The following PALS2 variants were observed in gnomAD, a reference collection of about 807,000 sequenced individuals.
PALS2 encodes the protein protein PALS2.
Under a neutral mutation model 61.6 loss-of-function variants are expected in PALS2, and 27 were observed. That is an observed-to-expected ratio of 0.44 (90% CI 0.32 to 0.60). The LOEUF (loss-of-function observed/expected upper bound fraction) is 0.60, where lower values mean the gene tolerates loss of function less well. PALS2 is among the 20% of genes least tolerant of loss of function. The pLI, the probability that PALS2 is intolerant of heterozygous loss-of-function variation, is 0.05. For synonymous variants in PALS2, 236 were observed against 218.6 expected (o/e 1.08, Z -0.70); for missense variants, 554 against 639.4 (o/e 0.87, Z 1.44).
rs562444034 is a variant in PALS2, at chr7:24,651,909, A to G, written c.651+1197A>G. 4.2e-4 allele frequency among the ~76,000 whole-genome samples: 64 copies of G among 152,336 alleles called. No individual in the cohort carries two copies. The South Asian group carries it at 0.012, about 30-fold the overall frequency. On this transcript the variant is annotated intron_variant, in intron 5 of 11. Coordinates refer to ENST00000222644, the MANE Select transcript of PALS2 (RefSeq NM_001303037.2). ...AAACTGTTCTTTCAAAGGTAAGGATAGATTATTTAGTCATTAATATTAGCA... is the reference window on the plus strand; with the variant it reads ...AAACTGTTCTTTCAAAGGTAAGGATGGATTATTTAGTCATTAATATTAGCA...
intron 1 of PALS2, among the ~76,000 whole-genome samples, chr7:24,613,602 C>T (rs958301848): frequency 2.6e-5 from 4 of 151,752 alleles, no homozygotes; most frequent in African/African-American, 4.8e-5. Flanking sequence ...TGGGAGCATT[C>T]GAATATCCTC....
At chr7:24,665,794 A>G in intron 7 of PALS2, 107 bp downstream of exon 7, 1 of 1,064,986 alleles carries the variant, frequency 9.4e-7, no homozygotes, top group Non-Finnish European at 1.4e-6. Context: ...GTCTAGAATG[A>G]ATCCCTCCCT....
In PALS2 at chr7:24,595,547, A is replaced by AT. The variant is rs1783485581; in HGVS notation, c.-3+21954_-3+21955insT. Among the ~76,000 whole-genome samples the AT allele has an allele frequency of 5.1e-5, 7 of 136,820 alleles. No individual in the cohort carries two copies. In the South Asian group the frequency reaches 6.6e-4, roughly 13 times the overall value. The allele number at this position is 136,820 out of a possible 152,430, so 89.8% of individuals were successfully genotyped here. On this transcript the variant is annotated intron_variant, in intron 1 of 11. Transcript: ENST00000222644. Reference sequence around the variant, plus strand: ...TATAATATATAATATATAATATATAAATATATATTAACTATATATAAATAT... The same window carrying AT: ...TATAATATATAATATATAATATATAATATATATATTAACTATATATAAATAT...
At chr7:24,671,422 A>G (rs1461715788) in intron 9 of PALS2, among the ~76,000 whole-genome samples, 1 of 152,204 alleles carries the variant, frequency 6.6e-6, no homozygotes, top group Non-Finnish European at 1.5e-5. Flanking sequence ...TATTCTGGGT[A>G]CAGGTTCCTT....
At chr7:24,661,297 A>ATTT (rs1467528249) in intron 5 of PALS2, among the ~76,000 whole-genome samples, 1 of 152,120 alleles carries the variant, frequency 6.6e-6, no homozygotes, top group Non-Finnish European at 1.5e-5. Context: ...GTTTTTGACC[A>ATTT]TAACAGTAAT....
intron 1 of PALS2, among the ~76,000 whole-genome samples, chr7:24,599,911 A>G (rs1783658001): frequency 6.6e-6 from 1 of 152,100 alleles, no homozygotes; most frequent in Admixed American, 6.6e-5. Flanking sequence ...GATCATCAAT[A>G]TCAGTGTCTT....
intron 2 of PALS2, among the ~76,000 whole-genome samples, chr7:24,631,634 A>G (rs1785000085): frequency 6.6e-6 from 1 of 152,212 alleles, no homozygotes; most frequent in Admixed American, 6.5e-5. Flanking sequence ...GCTATGGAGA[A>G]ATCTTTCATG....
chr7:24,677,178 T>C (rs1787658351), intron 9 of PALS2, among the ~76,000 whole-genome samples: 1 of 152,274 alleles, frequency 6.6e-6, no homozygotes. Context: ...TCTCTGTCTG[T>C]TGTTGGTGTA....
chr7:24,610,290 C>G (rs1435877097), intron 1 of PALS2, among the ~76,000 whole-genome samples: 4 of 152,072 alleles, frequency 2.6e-5, no homozygotes, highest in African/African-American at 9.7e-5. Context: ...AATGCAGGTT[C>G]TTTACCACTG....
chr7:24,691,325 C>T lies in PALS2; in HGVS notation c.*3711C>T, dbSNP rs1337179852. 2.0e-5 allele frequency: 3 copies of T among 148,950 alleles called. No individual in the cohort carries two copies. Among genetic ancestry groups the T allele is most frequent in the Non-Finnish European group, 4.5e-5 (3 of 67,366 alleles). The allele number at this position is 148,950 out of a possible 1,614,324, so 9.2% of individuals were successfully genotyped here. A position where few individuals can be genotyped will look rare whatever the true frequency, so the allele number is the denominator to read the frequency against. ...TTAACTAAACATGAAAAAGGCAATC[C>T]TGAAGTTTTATGTACATAGATAGCA... On this transcript the variant is annotated 3_prime_UTR_variant, in exon 12 of 12. Coordinates refer to ENST00000222644, the MANE Select transcript of PALS2 (RefSeq NM_001303037.2).
intron 1 of PALS2, among the ~76,000 whole-genome samples, chr7:24,579,222 G>C (rs935942184): frequency 6.6e-6 from 1 of 152,176 alleles, no homozygotes; most frequent in Non-Finnish European, 1.5e-5. Context: ...TAAAAACTAT[G>C]AGATACTGTT....
intron 7 of PALS2, 62 bp from the exon 8 acceptor site, chr7:24,665,959 T>C: frequency 1.4e-6 from 2 of 1,466,874 alleles, no homozygotes; most frequent in East Asian, 2.3e-5. Context: ...TAAAATACTA[T>C]AGGGCAATTT....
chr7:24,609,764 A>C (rs1353323580), intron 1 of PALS2, among the ~76,000 whole-genome samples: 4 of 151,424 alleles, frequency 2.6e-5, no homozygotes, highest in Non-Finnish European at 5.9e-5. Context: ...ACAAACCCCC[A>C]CTGTCTTTGG....
intron 11 of PALS2, among the ~76,000 whole-genome samples, chr7:24,683,010 C>A (rs1274668521): frequency 1.3e-5 from 2 of 152,140 alleles, no homozygotes; most frequent in African/African-American, 4.8e-5. Context: ...TTATTAACAT[C>A]ATGAGGCATA....
intron 3 of PALS2, among the ~76,000 whole-genome samples, chr7:24,648,580 C>T (rs952579347): frequency 6.6e-6 from 1 of 151,840 alleles, no homozygotes; most frequent in Non-Finnish European, 1.5e-5. Flanking sequence ...AGGCATGAGC[C>T]ACCGCGCCTG....
chr7:24,668,111 C>T (rs567638894), intron 8 of PALS2, among the ~76,000 whole-genome samples: 11 of 151,786 alleles, frequency 7.2e-5, no homozygotes, highest in African/African-American at 2.7e-4. Context: ...TTGAGGCCAG[C>T]AGTTTGAGAC....
intron 9 of PALS2, among the ~76,000 whole-genome samples, chr7:24,676,981 C>G (rs953134160): frequency 1.3e-4 from 20 of 151,184 alleles, no homozygotes; most frequent in Admixed American, 7.2e-4. Context: ...TGGCCATTTT[C>G]ACGATATTGA....
At chr7:24,631,022 G>T (rs141902927) in intron 2 of PALS2, among the ~76,000 whole-genome samples, 1 of 152,184 alleles carries the variant, frequency 6.6e-6, no homozygotes, top group Admixed American at 6.5e-5. Flanking sequence ...GGATTAAGGG[G>T]TAATTTTGAC....
At chr7:24,585,074 T>G (rs1458295304) in intron 1 of PALS2, among the ~76,000 whole-genome samples, 2 of 152,156 alleles carry the variant, frequency 1.3e-5, no homozygotes, top group Non-Finnish European at 2.9e-5. Context: ...AGCCTTGTAG[T>G]ATAGTTTGAA....
Sources: gnomAD v4.1 joint callset for allele counts (sites outside exome capture counted in the v4.1 genomes callset) on GRCh38, gnomAD v4.1.1 for gene constraint, MANE v1.5 for transcripts, NCBI Gene and HGNC (gene_info 2026-07-23, HGNC 2026-07-21) for gene names.